Variants in DENND1B observed in about 807,000 individuals in gnomAD.
The protein encoded by DENND1B is DENN domain-containing protein 1B.
Under a neutral mutation model 90.1 loss-of-function variants are expected in DENND1B, and 59 were observed. That is an observed-to-expected ratio of 0.65 (90% CI 0.53 to 0.81). The LOEUF is 0.81. Among genes scored for constraint, DENND1B ranks in the 40% least tolerant of loss-of-function variants. The pLI is 0.00. For missense variants in DENND1B, 862 were observed against 912.6 expected (o/e 0.94, Z 0.71); for synonymous variants, 337 against 324.6 (o/e 1.04, Z -0.41).
At chr1:197,595,516 A>G (rs1044721923) in intron 13 of DENND1B, among the ~76,000 whole-genome samples, 183 bp from the exon 14 acceptor site, 2 of 152,116 alleles carry the variant, frequency 1.3e-5, no homozygotes, top group African/African-American at 4.8e-5. Context: ...CGAAAGCAGG[A>G]GAGGAGAGTA....
chr1:197,772,149 A>T (rs1656701367), intron 2 of DENND1B, among the ~76,000 whole-genome samples: 1 of 152,194 alleles, frequency 6.6e-6, no homozygotes, highest in South Asian at 2.1e-4. Flanking sequence ...ATCAGAAGGG[A>T]AGTGGTGTAG....
chr1:197,767,941 T>C (rs1358060827), intron 2 of DENND1B, among the ~76,000 whole-genome samples: 1 of 152,208 alleles, frequency 6.6e-6, no homozygotes, highest in African/African-American at 2.4e-5. Context: ...GTAGTTAAAA[T>C]ACAGACTCTG....
chr1:197,736,988 C>T (rs1380811013), intron 2 of DENND1B, among the ~76,000 whole-genome samples: 1 of 152,182 alleles, frequency 6.6e-6, no homozygotes, highest in Non-Finnish European at 1.5e-5. Flanking sequence ...AAAACTATTG[C>T]TATGTCTCTT....
intron 2 of DENND1B, among the ~76,000 whole-genome samples, chr1:197,745,276 A>G (rs949864641): frequency 6.6e-6 from 1 of 152,188 alleles, no homozygotes; most frequent in African/African-American, 2.4e-5. Context: ...CTTTCAGCCT[A>G]TCTCAGCTTT....
At chr1:197,576,669 C>T (rs573228495) in intron 15 of DENND1B, among the ~76,000 whole-genome samples, 2 of 152,202 alleles carry the variant, frequency 1.3e-5, no homozygotes, top group East Asian at 3.9e-4. Context: ...TGTCAGTGGG[C>T]TTCTACAGCC....
chr1:197,520,937 A>T (rs1197693181), intron 20 of DENND1B, among the ~76,000 whole-genome samples: 1 of 151,974 alleles, frequency 6.6e-6, no homozygotes, highest in Non-Finnish European at 1.5e-5. Context: ...GCTTGCTAAG[A>T]ATGTGAAAAG....
intron 10 of DENND1B, among the ~76,000 whole-genome samples, chr1:197,620,189 G>C (rs1263951652): frequency 1.3e-5 from 2 of 150,710 alleles, no homozygotes; most frequent in African/African-American, 4.9e-5. Flanking sequence ...CAAGAGCTGT[G>C]AAACTTAAAA....
At chr1:197,716,240 CACAGAAT>C (rs1349865079) in intron 2 of DENND1B, among the ~76,000 whole-genome samples, 1 of 151,482 alleles carries the variant, frequency 6.6e-6, no homozygotes, top group African/African-American at 2.4e-5. Flanking sequence ...ACTTAAGTTC[CACAGAAT>C]TTTTTTCAGG....
intron 6 of DENND1B, among the ~76,000 whole-genome samples, chr1:197,653,380 T>A (rs988834065): frequency 2.6e-5 from 4 of 152,102 alleles, no homozygotes; most frequent in African/African-American, 9.6e-5. Context: ...CAATGAAGTA[T>A]ACCATAGAAA....
chr1:197,682,898 A>C (rs1275330370), intron 3 of DENND1B, among the ~76,000 whole-genome samples: 1 of 152,224 alleles, frequency 6.6e-6, no homozygotes, highest in East Asian at 1.9e-4. Flanking sequence ...GACTTAATAC[A>C]AAGGGTAAGG....
chr1:197,545,307 A>C (rs1360016259), intron 18 of DENND1B, among the ~76,000 whole-genome samples: 1 of 152,098 alleles, frequency 6.6e-6, no homozygotes, highest in Admixed American at 6.5e-5. Context: ...TGGGAGGCTG[A>C]GGCAGGAGAA....
At chr1:197,628,428 C>G (rs888597598) in intron 10 of DENND1B, among the ~76,000 whole-genome samples, 178 of 151,956 alleles carry the variant, frequency 1.2e-3, no homozygotes, top group African/African-American at 3.8e-3. Flanking sequence ...AATGGGGAAA[C>G]GATTCCCTAT....
chr1:197,725,191 T>A (rs2102290603), intron 2 of DENND1B, among the ~76,000 whole-genome samples: 1 of 152,196 alleles, frequency 6.6e-6, no homozygotes, highest in South Asian at 2.1e-4. Context: ...TATAAAAAGA[T>A]ATGGATACCT....
At chr1:197,632,882 G>A (rs1410986204) in intron 10 of DENND1B, among the ~76,000 whole-genome samples, 1 of 152,082 alleles carries the variant, frequency 6.6e-6, no homozygotes. Context: ...GGAAACTGGG[G>A]TGCTTCTACA....
At chr1:197,633,921 C>G (rs1462229184) in intron 10 of DENND1B, among the ~76,000 whole-genome samples, 2 of 152,192 alleles carry the variant, frequency 1.3e-5, no homozygotes, top group Non-Finnish European at 1.5e-5. Flanking sequence ...AGTGAGGCAT[C>G]TCTTGCAAAC....
chr1:197,619,399 T>C (rs1465361151), intron 10 of DENND1B, among the ~76,000 whole-genome samples: 1 of 151,192 alleles, frequency 6.6e-6, no homozygotes. Flanking sequence ...CTGTATTAAC[T>C]CTTTCCACCC....
chr1:197,718,056 T>C (rs1055235791), intron 2 of DENND1B, among the ~76,000 whole-genome samples: 5 of 152,134 alleles, frequency 3.3e-5, no homozygotes, highest in South Asian at 2.1e-4. Context: ...ATGAAGAAAT[T>C]GAGGTCAAAA....
chr1:197,740,526 C>T (rs1388834547), intron 2 of DENND1B, among the ~76,000 whole-genome samples: 2 of 152,028 alleles, frequency 1.3e-5, no homozygotes, highest in South Asian at 2.1e-4. Flanking sequence ...ATTACTGTAT[C>T]GAATATGCTA....
At chr1:197,721,494 A>G (rs986850803) in intron 2 of DENND1B, among the ~76,000 whole-genome samples, 1 of 145,160 alleles carries the variant, frequency 6.9e-6, no homozygotes, top group Non-Finnish European at 1.5e-5. Context: ...GTCACATGTT[A>G]AGAAATTTAA....
Sources: allele counts gnomAD v4.1 joint callset (sites outside exome capture counted in the v4.1 genomes callset), GRCh38; gene constraint gnomAD v4.1.1; transcripts MANE v1.5; gene names NCBI Gene and HGNC (gene_info 2026-07-23, HGNC 2026-07-21).